Variants in HMBOX1 observed in about 807,000 individuals in gnomAD.
HMBOX1 encodes the protein homeobox containing 1.
In HMBOX1, 14 loss-of-function variants were observed where a neutral mutation model predicts 54.5. The observed-to-expected ratio is 0.26, with a 90% CI of 0.17 to 0.40. The LOEUF is 0.40. HMBOX1 is among the 10% of genes least tolerant of loss of function. The pLI is 1.00. For synonymous variants in HMBOX1, 160 were observed against 181.0 expected (o/e 0.88, Z 0.93); for missense variants, 332 against 514.4 (o/e 0.65, Z 3.43).
intron 1 of HMBOX1, among the ~76,000 whole-genome samples, chr8:28,922,872 A>C (rs1013185450): frequency 7.2e-5 from 11 of 152,136 alleles, no homozygotes; most frequent in African/African-American, 2.7e-4. Flanking sequence ...AATAATAATA[A>C]TTTATTGTGA....
At chr8:28,905,938 A>G (rs1563360612) in intron 1 of HMBOX1, among the ~76,000 whole-genome samples, 2 of 152,084 alleles carry the variant, frequency 1.3e-5, no homozygotes. Context: ...TTACCAGCAC[A>G]TTTTTTTCAG....
chr8:29,045,472 C>T (rs373789856), intron 7 of HMBOX1, 29 bp downstream of exon 7: 274 of 1,559,262 alleles, frequency 1.8e-4, no homozygotes, highest in South Asian at 3.8e-4. Flanking sequence ...CCTTGCTCTG[C>T]GGTGCAGCAC....
At position 29,009,301 on chromosome 8, in the gene HMBOX1, T is replaced by A. The variant is rs1833896483; in HGVS notation, c.697+119T>A. On this transcript the variant is annotated intron_variant, in intron 5 of 9. Transcript: ENST00000287701. ...TGGTTTCATACTTTACTATGGTTGCTTTATGCAGAAAAAGACTCTTAACAG... is the reference window on the plus strand; with the variant it reads ...TGGTTTCATACTTTACTATGGTTGCATTATGCAGAAAAAGACTCTTAACAG... The A allele has an allele frequency of 2.8e-6, 3 of 1,056,032 alleles. No homozygotes were observed. In the East Asian group the frequency reaches 7.9e-5, roughly 28 times the overall value. The allele number at this position is 1,056,032 out of a possible 1,614,324, so 65.4% of individuals were successfully genotyped here.
chr8:28,931,017 A>G (rs1043739712), intron 1 of HMBOX1, among the ~76,000 whole-genome samples: 1 of 152,160 alleles, frequency 6.6e-6, no homozygotes, highest in African/African-American at 2.4e-5. Flanking sequence ...ATCAGAAATC[A>G]TTTTGGGAAT....
At chr8:28,953,436 A>G (rs894828749) in intron 1 of HMBOX1, among the ~76,000 whole-genome samples, 2 of 152,220 alleles carry the variant, frequency 1.3e-5, no homozygotes, top group African/African-American at 2.4e-5. Flanking sequence ...TTTAAAAAAC[A>G]TAGTTTCCTG....
chr8:28,992,785 G>A (rs1335016900), intron 4 of HMBOX1, among the ~76,000 whole-genome samples: 2 of 144,750 alleles, frequency 1.4e-5, no homozygotes, highest in East Asian at 2.1e-4. Context: ...CAGGAGAATC[G>A]TGTGAACCTG....
chr8:29,009,626 T>C, intron 5 of HMBOX1: 4 of 1,231,064 alleles, frequency 3.2e-6, no homozygotes, highest in South Asian at 1.4e-5. Flanking sequence ...TCTCTGCTAA[T>C]GATTTTTTTT....
chr8:29,001,725 T>G (rs540520890), intron 4 of HMBOX1, among the ~76,000 whole-genome samples: 18 of 152,324 alleles, frequency 1.2e-4, no homozygotes, highest in African/African-American at 4.3e-4. Flanking sequence ...CAAAACTCAT[T>G]GAACTATATA....
At chr8:29,036,200 C>T (rs1210965074) in intron 6 of HMBOX1, among the ~76,000 whole-genome samples, 1 of 152,150 alleles carries the variant, frequency 6.6e-6, no homozygotes, top group Non-Finnish European at 1.5e-5. Flanking sequence ...AACATAGAGT[C>T]TTTGCAGTGA....
chr8:28,926,304 T>TATATATATACACAC (rs796953426), intron 1 of HMBOX1, among the ~76,000 whole-genome samples: 1 of 142,138 alleles, frequency 7.0e-6, no homozygotes, highest in African/African-American at 2.6e-5. Context: ...TATATATATA[T>TATATATATACACAC]ACACACACAC....
chr8:29,000,989 A>T (rs1331283891), intron 4 of HMBOX1, among the ~76,000 whole-genome samples: 1 of 152,200 alleles, frequency 6.6e-6, no homozygotes. Context: ...CAGTGCTTTT[A>T]TGGAACAGCA....
At chr8:29,002,591 T>C (rs968103648) in intron 4 of HMBOX1, among the ~76,000 whole-genome samples, 9 of 152,078 alleles carry the variant, frequency 5.9e-5, no homozygotes, top group Non-Finnish European at 2.9e-5. Flanking sequence ...AAAAAATCCA[T>C]CCCAATGATA....
intron 6 of HMBOX1, among the ~76,000 whole-genome samples, chr8:29,031,166 G>A (rs895949759): frequency 3.9e-5 from 6 of 152,108 alleles, no homozygotes; most frequent in Non-Finnish European, 7.4e-5. Context: ...TGAATTGAGC[G>A]AACTAGCTGA....
At chr8:28,918,273 G>A (rs1178059221) in intron 1 of HMBOX1, among the ~76,000 whole-genome samples, 4 of 151,996 alleles carry the variant, frequency 2.6e-5, no homozygotes, top group East Asian at 1.9e-4. Flanking sequence ...GCGCGATCTC[G>A]GCTCACCACA....
intron 6 of HMBOX1, among the ~76,000 whole-genome samples, chr8:29,044,796 C>CT (rs1491252624): frequency 1.2e-3 from 175 of 151,302 alleles, no homozygotes; most frequent in African/African-American, 4.0e-3. Flanking sequence ...GGACAGAACT[C>CT]TAACTTATTT....
rs552408218 is a variant in HMBOX1, at chr8:28,905,335, G to A, written c.-58+14657G>A. On this transcript the variant is annotated intron_variant, in intron 1 of 9. Coordinates refer to ENST00000287701, the MANE Select transcript of HMBOX1 (RefSeq NM_001135726.3). ...ACAAAACAAAAAACCAGGCGCGCGT[G>A]CATGCGCACACACACGCACGCACAC... is the stretch of plus-strand genomic sequence containing the variant. Among the ~76,000 whole-genome samples the A allele has an allele frequency of 3.8e-4, 58 of 152,254 alleles. 1 individual carries two copies. The South Asian group carries it at 0.012, about 30-fold the overall frequency.
intron 1 of HMBOX1, among the ~76,000 whole-genome samples, chr8:28,934,373 C>G (rs1820018784): frequency 6.6e-6 from 1 of 152,170 alleles, no homozygotes; most frequent in African/African-American, 2.4e-5. Flanking sequence ...TGGTCAAAGA[C>G]TGAATGAATG....
At chr8:28,988,837 AAG>A (rs1450459419) in intron 4 of HMBOX1, among the ~76,000 whole-genome samples, 1 of 152,150 alleles carries the variant, frequency 6.6e-6, no homozygotes, top group Non-Finnish European at 1.5e-5. Flanking sequence ...CCTTAAATAT[AAG>A]ATATACATAT....
At chr8:28,914,357 A>T (rs1322637817) in intron 1 of HMBOX1, among the ~76,000 whole-genome samples, 2 of 152,190 alleles carry the variant, frequency 1.3e-5, no homozygotes, top group Non-Finnish European at 2.9e-5. Context: ...GTATTTAGGA[A>T]CTTAAGGATC....
Sources: gnomAD v4.1 joint callset for allele counts (sites outside exome capture counted in the v4.1 genomes callset) on GRCh38, gnomAD v4.1.1 for gene constraint, MANE v1.5 for transcripts, NCBI Gene and HGNC (gene_info 2026-07-23, HGNC 2026-07-21) for gene names.